Variants in CALN1 observed in about 807,000 individuals in gnomAD.
CALN1 encodes the protein calneuron 1, also known as calcium-binding protein 8.
CALN1 carries 17 observed loss-of-function variants against 30.6 expected under a neutral mutation model. The observed-to-expected ratio is 0.56, with a 90% CI of 0.38 to 0.83. The LOEUF (loss-of-function observed/expected upper bound fraction) is 0.83, where lower values mean the gene tolerates loss of function less well. Among genes scored for constraint, CALN1 ranks in the 40% least tolerant of loss-of-function variants. CALN1 has a pLI of 0.00. For synonymous variants in CALN1, 156 were observed against 131.4 expected (o/e 1.19, Z -1.28); for missense variants, 291 against 354.9 (o/e 0.82, Z 1.45).
At chr7:72,410,736 A>T (rs1299769708) in intron 1 of CALN1, among the ~76,000 whole-genome samples, 1 of 152,224 alleles carries the variant, frequency 6.6e-6, no homozygotes, top group African/African-American at 2.4e-5. Context: ...AGAGTAAAAT[A>T]GGGAACTATA....
chr7:71,903,990 T>G (rs767785138), intron 5 of CALN1, among the ~76,000 whole-genome samples: 1 of 152,096 alleles, frequency 6.6e-6, no homozygotes, highest in Non-Finnish European at 1.5e-5. Context: ...AAATCAAAAC[T>G]GTAATGAGAT....
intron 5 of CALN1, among the ~76,000 whole-genome samples, chr7:71,903,666 C>T (rs1312938604): frequency 6.6e-6 from 1 of 152,064 alleles, no homozygotes; most frequent in Non-Finnish European, 1.5e-5. Flanking sequence ...TGGGTAAGAC[C>T]TCAAAAGCAC....
At chr7:72,316,046 G>A (rs890862454) in intron 2 of CALN1, among the ~76,000 whole-genome samples, 2 of 151,958 alleles carry the variant, frequency 1.3e-5, no homozygotes, top group Admixed American at 1.3e-4. Context: ...AGCTCCTCAG[G>A]AAGCTGAGGC....
chr7:71,982,309 G>A (rs1343530397), intron 5 of CALN1, among the ~76,000 whole-genome samples: 1 of 152,102 alleles, frequency 6.6e-6, no homozygotes, highest in Non-Finnish European at 1.5e-5. Flanking sequence ...AAAATGCAAG[G>A]GTCGGCCGGG....
chr7:71,897,629 T>C (rs1793599100), intron 5 of CALN1, among the ~76,000 whole-genome samples: 1 of 152,008 alleles, frequency 6.6e-6, no homozygotes, highest in Non-Finnish European at 1.5e-5. Context: ...AGCATTTCCT[T>C]CTTCTTCTTA....
At chr7:72,384,646 G>GA (rs945825656) in intron 2 of CALN1, among the ~76,000 whole-genome samples, 59 of 145,214 alleles carry the variant, frequency 4.1e-4, no homozygotes, top group South Asian at 1.5e-3. Context: ...CCCGTCTCAA[G>GA]AAAAAAAAAA....
intron 3 of CALN1, among the ~76,000 whole-genome samples, chr7:72,118,915 A>G (rs373645487): frequency 6.6e-6 from 1 of 152,226 alleles, no homozygotes; most frequent in Non-Finnish European, 1.5e-5. Flanking sequence ...TGCTCCTCCA[A>G]AAAAGCATGA....
At chr7:71,859,058 T>C (rs1791120413) in intron 5 of CALN1, among the ~76,000 whole-genome samples, 1 of 152,142 alleles carries the variant, frequency 6.6e-6, no homozygotes, top group South Asian at 2.1e-4. Context: ...TTTCTTTTTT[T>C]GTATGTTTGT....
intron 3 of CALN1, among the ~76,000 whole-genome samples, chr7:72,115,513 GAC>G (rs1300695364): frequency 2.2e-5 from 2 of 92,896 alleles, no homozygotes; most frequent in African/African-American, 9.4e-5. Flanking sequence ...TTTTTTTGGA[GAC>G]ACAGTGACTG....
intron 4 of CALN1, among the ~76,000 whole-genome samples, chr7:72,031,683 T>C (rs1169483817): frequency 6.6e-6 from 1 of 150,612 alleles, no homozygotes; most frequent in Non-Finnish European, 1.5e-5. Context: ...TCTTCCCACC[T>C]CAGCCTCACG....
chr7:72,070,679 G>A (rs911180273), intron 4 of CALN1, among the ~76,000 whole-genome samples: 3 of 152,198 alleles, frequency 2.0e-5, no homozygotes, highest in African/African-American at 7.2e-5. Flanking sequence ...GGGACCACAA[G>A]GTATTAATTT....
chr7:71,823,189 T>C (rs1788694322), intron 5 of CALN1, among the ~76,000 whole-genome samples: 2 of 151,502 alleles, frequency 1.3e-5, no homozygotes, highest in South Asian at 2.1e-4. Context: ...TCTCTCTCTT[T>C]TTTTTTTTTA....
At chr7:72,384,651 A>G (rs915370165) in intron 2 of CALN1, among the ~76,000 whole-genome samples, 2 of 152,152 alleles carry the variant, frequency 1.3e-5, no homozygotes, top group Middle Eastern at 3.2e-3. Flanking sequence ...CTCAAGAAAA[A>G]AAAAAGTAAA....
chr7:72,273,046 C>T (rs1048322769), intron 3 of CALN1, among the ~76,000 whole-genome samples: 10 of 151,926 alleles, frequency 6.6e-5, no homozygotes, highest in African/African-American at 2.4e-4. Context: ...GAACAACCAC[C>T]GAGACCCCCA....
At chr7:72,395,947 T>C (rs1050506311) in intron 2 of CALN1, among the ~76,000 whole-genome samples, 3 of 152,196 alleles carry the variant, frequency 2.0e-5, no homozygotes, top group South Asian at 2.1e-4. Flanking sequence ...CAAATATATA[T>C]ATTTTAACTC....
chr7:71,886,022 G>T (rs1282406210), intron 5 of CALN1, among the ~76,000 whole-genome samples: 1 of 152,216 alleles, frequency 6.6e-6, no homozygotes, highest in African/African-American at 2.4e-5. Context: ...ACATGTGAAT[G>T]GCAGAAGAAA....
Position 72,295,257 on chromosome 7 carries a change from C to T in CALN1, c.120-16447G>A, listed in dbSNP as rs963585586. On this transcript the variant is annotated intron_variant, in intron 2 of 6. Transcript: ENST00000395275. ...AATGTTTAAATTAAAGTTATAATTACGGGCTATCTTTAAAGTAATGAAAAT... is the reference window on the plus strand; with the variant it reads ...AATGTTTAAATTAAAGTTATAATTATGGGCTATCTTTAAAGTAATGAAAAT... Among the ~76,000 whole-genome samples, 4 of 151,976 alleles carry T rather than the reference C, an allele frequency of 2.6e-5. 1 individual carries two copies. The highest frequency in any genetic ancestry group is 4.8e-5 in the African/African-American group (2 of 41,344).
intron 2 of CALN1, among the ~76,000 whole-genome samples, chr7:72,335,463 C>G (rs1801954004): frequency 6.6e-6 from 1 of 152,176 alleles, no homozygotes; most frequent in Non-Finnish European, 1.5e-5. Context: ...GAAGGTCATC[C>G]CAACTCTGTC....
At chr7:71,818,659 C>G (rs1194368671) in intron 5 of CALN1, among the ~76,000 whole-genome samples, 1 of 151,032 alleles carries the variant, frequency 6.6e-6, no homozygotes. Flanking sequence ...CACTTGCCAC[C>G]ATGACCAGCT....
Sources: gnomAD v4.1 joint callset for allele counts (sites outside exome capture counted in the v4.1 genomes callset) on GRCh38, gnomAD v4.1.1 for gene constraint, MANE v1.5 for transcripts, NCBI Gene and HGNC (gene_info 2026-07-23, HGNC 2026-07-21) for gene names.